Variants in FAF1 observed in about 807,000 individuals in gnomAD.
FAF1 encodes FAS-associated factor 1.
Under a neutral mutation model 92.5 loss-of-function variants are expected in FAF1, and 25 were observed. The ratio of observed to expected loss-of-function variants is 0.27; its 90% CI spans 0.20 to 0.38. The LOEUF is 0.38. FAF1 is among the 10% of genes least tolerant of loss of function. The probability of loss-of-function intolerance (pLI) is 1.00; values close to 1 mark genes in which losing one functional copy is unlikely to be tolerated. For synonymous variants in FAF1, 234 were observed against 273.2 expected (o/e 0.86, Z 1.42); for missense variants, 636 against 793.3 (o/e 0.80, Z 2.38).
chr1:50,805,275 T>C (rs1662148094), intron 2 of FAF1, among the ~76,000 whole-genome samples: 1 of 152,200 alleles, frequency 6.6e-6, no homozygotes, highest in Non-Finnish European at 1.5e-5. Context: ...GGTATAACTA[T>C]TACTGCCTTC....
At chr1:50,882,601 TAAATA>T (rs2124690052) in intron 1 of FAF1, among the ~76,000 whole-genome samples, 1 of 19,024 alleles carries the variant, frequency 5.3e-5, no homozygotes, top group South Asian at 1.8e-3. Flanking sequence ...GACTCTGTCT[TAAATA>T]AATAAATAAA....
In FAF1 at chr1:50,584,000, G is replaced by T. The variant is rs1038127128; in HGVS notation, c.968-285C>A. ...GCTAAGCATTTAAAATATGTGCCCA[G>T]TTGTCATTTAGGATTTCAATGTTTT... On this transcript the variant is annotated intron_variant, in intron 10 of 18. Transcript: ENST00000396153. This position sits in a 1 kb window ranked among gnomAD's most constrained non-coding sequence, Gnocchi z 4.2. Among the ~76,000 whole-genome samples, 2 of 152,046 alleles carry T rather than the reference G, an allele frequency of 1.3e-5. No homozygotes were observed. The highest frequency in any genetic ancestry group is 2.9e-5 in the Non-Finnish European group (2 of 67,944).
intron 4 of FAF1, among the ~76,000 whole-genome samples, chr1:50,769,044 T>C (rs1569916261): frequency 1.3e-5 from 2 of 150,870 alleles, no homozygotes; most frequent in East Asian, 3.9e-4. Context: ...CTAAGTAGAC[T>C]TAAAAAAAAA....
intron 7 of FAF1, among the ~76,000 whole-genome samples, chr1:50,698,508 T>C (rs1052985458): frequency 5.9e-5 from 9 of 152,188 alleles, no homozygotes; most frequent in African/African-American, 9.6e-5. Context: ...CCTTTAAAGA[T>C]AGCTTTTTAT....
chr1:50,950,089 C>A (rs1028996410), intron 1 of FAF1, among the ~76,000 whole-genome samples: 1 of 152,150 alleles, frequency 6.6e-6, no homozygotes, highest in Non-Finnish European at 1.5e-5. Flanking sequence ...GATCCCGTGC[C>A]TCTTCTTCTC....
Position 50,836,170 on chromosome 1 carries a change from G to GTTTTTTTTTT in FAF1, c.114+21749_114+21758dup, listed in dbSNP as rs36053491. Among the ~76,000 whole-genome samples the GTTTTTTTTTT allele has an allele frequency of 1.8e-3, 176 of 98,506 alleles. 16 individuals carry two copies. The highest frequency in any genetic ancestry group is 3.2e-3 in the African/African-American group (74 of 23,464). 64.6% of individuals were successfully genotyped at this position (98,506 alleles called of 152,430 possible). A position where few individuals can be genotyped will look rare whatever the true frequency, so the allele number is the denominator to read the frequency against. ...GTGTGTGTTTTTGTTTTTTGTTTCT[G>GTTTTTTTTTT]TTTTTTTTTTTTTTTTTTTAGACAG... On this transcript the variant is annotated intron_variant, in intron 2 of 18. Transcript: ENST00000396153.
chr1:50,563,685 T>G (rs1459238072), intron 13 of FAF1, among the ~76,000 whole-genome samples: 1 of 152,240 alleles, frequency 6.6e-6, no homozygotes, highest in Admixed American at 6.5e-5. Flanking sequence ...AAAAGTGCCT[T>G]GTTTACTGAA....
At position 50,744,768 on chromosome 1, in the gene FAF1, A is replaced by C. The variant is rs577657287; in HGVS notation, c.375T>G (p.Ile125Met). ...VLEDTCTVGE[I>M]KQILENELQI... ...GAAGTTCATTTTCTAGAATCTGTTT[A>C]ATCTCTCCTGTATAAATAAGAAGAG... Residue 125 changes from isoleucine (I) to methionine (M), a missense_variant, in exon 5 of 19, where the codon ATT (isoleucine) becomes ATG (methionine). Ile to Met is a conservative substitution (Grantham distance 10, BLOSUM62 1). Transcript: ENST00000396153. 2 of 1,584,322 alleles carry C rather than the reference A, an allele frequency of 1.3e-6. No individual in the cohort carries two copies. The highest frequency in any genetic ancestry group is 2.2e-5 in the South Asian group (2 of 89,146).
Position 50,535,442 on chromosome 1 carries a change from T to C in FAF1, c.1421A>G (p.Asp474Gly), listed in dbSNP as rs1648425238. 6 of 1,607,770 alleles carry C rather than the reference T, an allele frequency of 3.7e-6. No individual in the cohort carries two copies. The highest frequency in any genetic ancestry group is 5.1e-6 in the Non-Finnish European group (6 of 1,175,022). The change falls in exon 15 of 19, where the codon GAT becomes GGT. Residue 474 changes from aspartate to glycine, a missense_variant. Asp to Gly is a moderately conservative substitution (Grantham distance 94). This residue lies in a region of FAF1 where 319 missense variants were observed against 451.0 expected (regional missense o/e 0.71). Coordinates refer to ENST00000396153, the MANE Select transcript of FAF1 (RefSeq NM_007051.3). ...LNVIQGNTTV[D>G]ELMMRLMAAM... ...AGCCATGAGTCTCATCATTAACTCA[T>C]CTACTGTTGTGTTCCCTAAAAACAT...
intron 1 of FAF1, among the ~76,000 whole-genome samples, chr1:50,931,720 C>CA (rs1174458890): frequency 6.6e-6 from 1 of 151,360 alleles, no homozygotes; most frequent in South Asian, 2.1e-4. Context: ...ACAACAACAA[C>CA]AAAAAAATTA....
intron 15 of FAF1, among the ~76,000 whole-genome samples, chr1:50,527,859 C>CT (rs1491096150): frequency 1.7e-4 from 16 of 92,480 alleles, no homozygotes; most frequent in Admixed American, 5.3e-4. Context: ...CTCCCTCTCT[C>CT]CCTCTCTCCC....
At chr1:50,789,650 T>C (rs551727744) in intron 3 of FAF1, among the ~76,000 whole-genome samples, 1 of 152,194 alleles carries the variant, frequency 6.6e-6, no homozygotes, top group East Asian at 1.9e-4. Context: ...TCCCTTTATA[T>C]GTACTCCTGC....
intron 1 of FAF1, among the ~76,000 whole-genome samples, chr1:50,858,983 G>T (rs1362676563): frequency 6.6e-6 from 1 of 151,482 alleles, no homozygotes; most frequent in African/African-American, 2.4e-5. Flanking sequence ...AGGTTGGTTG[G>T]GCATATGATT....
chr1:50,766,468 A>G (rs895964471), intron 4 of FAF1, among the ~76,000 whole-genome samples: 1 of 152,144 alleles, frequency 6.6e-6, no homozygotes, highest in African/African-American at 2.4e-5. Flanking sequence ...ACTCTGGGGA[A>G]GTGCTGAAGA....
intron 1 of FAF1, among the ~76,000 whole-genome samples, chr1:50,904,033 A>C (rs1428607467): frequency 6.6e-6 from 1 of 152,218 alleles, no homozygotes; most frequent in Admixed American, 6.5e-5. Context: ...TATTCCAAAA[A>C]CTAAATGAAA....
chr1:50,795,080 T>A (rs1023526790), intron 3 of FAF1, among the ~76,000 whole-genome samples: 1 of 152,184 alleles, frequency 6.6e-6, no homozygotes, highest in Non-Finnish European at 1.5e-5. Context: ...ATGTACAATG[T>A]GGCCATGTCA....
chr1:50,913,353 G>A (rs767219334), intron 1 of FAF1, among the ~76,000 whole-genome samples: 18 of 152,282 alleles, frequency 1.2e-4, no homozygotes, highest in African/African-American at 4.3e-4. Context: ...ATCCGTACAA[G>A]AGAAGGTACA....
chr1:50,506,904 C>T (rs760383934), intron 15 of FAF1, among the ~76,000 whole-genome samples: 125 of 152,270 alleles, frequency 8.2e-4, no homozygotes, highest in Non-Finnish European at 1.6e-3. Context: ...GGTAAATGTT[C>T]TTGCTTTACC....
intron 1 of FAF1, among the ~76,000 whole-genome samples, chr1:50,890,339 T>C (rs891607223): frequency 5.3e-5 from 8 of 152,226 alleles, no homozygotes; most frequent in South Asian, 2.1e-4. Context: ...TGTCTTTTAA[T>C]TGGAGCATTT....
Sources: gnomAD v4.1 joint callset for allele counts (sites outside exome capture counted in the v4.1 genomes callset) on GRCh38, gnomAD v4.1.1 for gene constraint, gnomAD v4.1.1 regional missense constraint, Gnocchi (gnomAD v3.1) non-coding constraint, MANE v1.5 for transcripts, NCBI Gene and HGNC (gene_info 2026-07-23, HGNC 2026-07-21) for gene names.